Variants in SCARB2 observed in about 807,000 individuals in gnomAD.
SCARB2 encodes scavenger receptor class B member 2, also known as lysosome membrane protein 2.
A neutral mutation model predicts 58.6 loss-of-function variants in SCARB2; 29 were observed. The ratio of observed to expected loss-of-function variants is 0.49; its 90% confidence interval spans 0.37 to 0.67. The LOEUF (loss-of-function observed/expected upper bound fraction) is 0.67. Ranked by LOEUF, SCARB2 falls within the 30% of genes least tolerant of loss-of-function variation. The probability of loss-of-function intolerance (pLI) is 0.00; values close to 1 mark genes in which losing one functional copy is unlikely to be tolerated. For synonymous variants in SCARB2, 195 were observed against 210.1 expected, an observed-to-expected ratio of 0.93 and a Z score of 0.62; for missense variants, 488 against 578.5, an observed-to-expected ratio of 0.84 and a Z score of 1.60.
At chr4:76,171,254 AAAT>A (rs1732124039) in intron 7 of SCARB2, among the ~76,000 whole-genome samples, 1 of 152,106 alleles carries the variant, frequency 6.6e-6, no homozygotes, top group Admixed American at 6.6e-5. Flanking sequence ...TGTATTTTTT[AAAT>A]CTGTTGAGGG....
intron 1 of SCARB2, among the ~76,000 whole-genome samples, chr4:76,230,541 G>T (rs573084930): frequency 1.8e-4 from 28 of 152,238 alleles, no homozygotes; most frequent in Non-Finnish European, 3.5e-4. Context: ...AGCAGTTCCT[G>T]TTCAACACCT....
At chr4:76,217,694 G>A (rs1733234561), upstream of SCARB2, 1 of 598,424 alleles carries the variant, frequency 1.7e-6, no homozygotes. Context: ...CTCAGGTATT[G>A]TTATAGCAAC....
At position 76,224,022 on chromosome 4, in the gene SCARB2, G is replaced by C. The variant is rs560197173; in HGVS notation, c.-358+10281C>G. Among the ~76,000 whole-genome samples the C allele has an allele frequency of 3.3e-5, 5 of 152,252 alleles. No homozygotes were observed. The South Asian group carries it at 8.3e-4, about 25-fold the overall frequency. ...AATAAAATCTCCTGCCAAACCAGGA[G>C]ACCTCCCCACAAACACAGAAGGGAA... On this transcript the variant is annotated intron_variant, in intron 1 of 11. Coordinates refer to the SCARB2 transcript ENST00000638295.
At chr4:76,202,234 T>C (rs1374382475) in intron 1 of SCARB2, among the ~76,000 whole-genome samples, 1 of 152,206 alleles carries the variant, frequency 6.6e-6, no homozygotes, top group Non-Finnish European at 1.5e-5. Context: ...ATGCTACTGA[T>C]TGTTGTTACT....
intron 2 of SCARB2, among the ~76,000 whole-genome samples, chr4:76,186,761 CT>C (rs1354510373): frequency 6.6e-6 from 1 of 152,094 alleles, no homozygotes; most frequent in Non-Finnish European, 1.5e-5. Context: ...TGGTCACAAC[CT>C]TTTGTGCATG....
Position 76,213,722 on chromosome 4 carries a change from G to T in SCARB2, c.-179C>A. ...TCCGCGGCCTGGCGAGCGCGGCCCC[G>T]GGTGCACCGGGCGGATGGGGCCGCG... On this transcript the variant is annotated 5_prime_UTR_variant, in exon 1 of 12. Transcript: ENST00000264896. 2.0e-6 allele frequency: 1 copy of T among 510,192 alleles called. No individual in the cohort carries two copies. The highest frequency in any genetic ancestry group is 2.5e-5 in the South Asian group (1 of 40,042). 31.6% of individuals were successfully genotyped at this position (510,192 alleles called of 1,614,324 possible).
chr4:76,174,619 T>G, intron 6 of SCARB2: 1 of 364,518 alleles, frequency 2.7e-6, no homozygotes, highest in Non-Finnish European at 5.3e-6. Flanking sequence ...GAGGCCTCTC[T>G]AGACCTGCAT....
chr4:76,200,082 C>T (rs180996959), intron 1 of SCARB2, among the ~76,000 whole-genome samples: 5 of 152,296 alleles, frequency 3.3e-5, no homozygotes, highest in East Asian at 3.9e-4. Context: ...TTATTCATTC[C>T]GCCAGATACA....
intron 1 of SCARB2, among the ~76,000 whole-genome samples, chr4:76,223,412 T>C (rs1346662345): frequency 6.6e-6 from 1 of 152,144 alleles, no homozygotes; most frequent in East Asian, 1.9e-4. Flanking sequence ...ACTTTGAGAA[T>C]TCATCAAAAT....
At chr4:76,211,730 GA>G (rs2109972225) in intron 1 of SCARB2, among the ~76,000 whole-genome samples, 1 of 152,242 alleles carries the variant, frequency 6.6e-6, no homozygotes, top group African/African-American at 2.4e-5. Context: ...GGTAATCCAG[GA>G]AAAAGCAGAA....
At chr4:76,178,883 A>T (rs967092421) in intron 4 of SCARB2, among the ~76,000 whole-genome samples, 1 of 152,138 alleles carries the variant, frequency 6.6e-6, no homozygotes, top group Admixed American at 6.5e-5. Context: ...AGAGGGTAAG[A>T]CTCTTGAACA....
At chr4:76,204,367 A>C (rs1368945112) in intron 1 of SCARB2, among the ~76,000 whole-genome samples, 1 of 152,330 alleles carries the variant, frequency 6.6e-6, no homozygotes, top group East Asian at 1.9e-4. Flanking sequence ...TTCATTTTGC[A>C]ACTGTCATAA....
chr4:76,181,969 AGT>A (rs1233271756), intron 2 of SCARB2, among the ~76,000 whole-genome samples: 1 of 152,222 alleles, frequency 6.6e-6, no homozygotes, highest in African/African-American at 2.4e-5. Context: ...GCCTAGAGTC[AGT>A]GTGAGTGATG....
At chr4:76,176,656 G>A in intron 4 of SCARB2, 128 bp from the exon 5 acceptor site, 1 of 673,446 alleles carries the variant, frequency 1.5e-6, no homozygotes, top group Admixed American at 2.5e-5. Context: ...TTTTGTAGGT[G>A]TGATTAATAT....
chr4:76,188,747 T>C (rs1052670026), intron 2 of SCARB2, among the ~76,000 whole-genome samples: 6 of 152,230 alleles, frequency 3.9e-5, no homozygotes, highest in African/African-American at 1.4e-4. Context: ...ATCCAGTGAA[T>C]GACCGCAAAA....
chr4:76,204,509 A>G (rs1201392476), intron 1 of SCARB2, among the ~76,000 whole-genome samples: 1 of 152,188 alleles, frequency 6.6e-6, no homozygotes, highest in Non-Finnish European at 1.5e-5. Context: ...CAAAATACCC[A>G]CTAACTTATT....
At chr4:76,229,165 G>A (rs1169421473) in intron 1 of SCARB2, among the ~76,000 whole-genome samples, 3 of 152,066 alleles carry the variant, frequency 2.0e-5, no homozygotes, top group Non-Finnish European at 4.4e-5. Context: ...ATTTTTCTAA[G>A]TGTGTCTTTG....
chr4:76,202,836 GTTATT>G (rs1241811951), intron 1 of SCARB2, among the ~76,000 whole-genome samples: 2 of 151,894 alleles, frequency 1.3e-5, no homozygotes, highest in Non-Finnish European at 2.9e-5. Context: ...TTTTGAAACT[GTTATT>G]TTAATGTCTG....
rs189391864 is a variant in SCARB2 at position 76,199,556 on chromosome 4, C to T, written c.118-3692G>A. Among the ~76,000 whole-genome samples the T allele has an allele frequency of 1.6e-3, 242 of 152,140 alleles. 2 individuals carry two copies. Among genetic ancestry groups the T allele is most frequent in the African/African-American group, 5.0e-3 (205 of 41,396 alleles). ...CATCGGACTGAACCGAAATATCACA[C>T]GAGACAGACTCATACTAAAATGTTA... is the stretch of plus-strand genomic sequence containing the variant. On this transcript the variant is annotated intron_variant, in intron 1 of 11. Transcript: ENST00000264896.
Sources: gnomAD v4.1 joint callset for allele counts (sites outside exome capture counted in the v4.1 genomes callset) on GRCh38, gnomAD v4.1.1 for gene constraint, MANE v1.5 for transcripts, NCBI Gene and HGNC (gene_info 2026-07-23, HGNC 2026-07-21) for gene names.